Variants in DRICH1 observed in about 807,000 individuals in gnomAD.
DRICH1 encodes the protein aspartate rich 1, also known as aspartate-rich protein 1.
In DRICH1, 38 loss-of-function variants were observed where a neutral mutation model predicts 39.5. That is an observed-to-expected ratio of 0.96 (90% CI 0.74 to 1.26). DRICH1 has a LOEUF of 1.26. Ranked by LOEUF, DRICH1 falls within the 50% of genes most tolerant of loss-of-function variation. The pLI, the probability that DRICH1 is intolerant of heterozygous loss-of-function variation, is 0.00. For missense variants in DRICH1, 279 were observed against 270.4 expected (o/e 1.03, Z -0.22); for synonymous variants, 84 against 99.5 (o/e 0.84, Z 0.93).
intron 11 of DRICH1, among the ~76,000 whole-genome samples, chr22:23,612,771 G>T (rs1031660516): frequency 6.6e-6 from 1 of 152,094 alleles, no homozygotes; most frequent in African/African-American, 2.4e-5. Flanking sequence ...CATCCACTCC[G>T]GGAGATCCCT....
In DRICH1 at chr22:23,619,184, A is replaced by AG. The variant is rs1377571584; in HGVS notation, c.436+179_436+180insC. On this transcript the variant is annotated intron_variant, in intron 6 of 11. Transcript: ENST00000317749. ...GAGACTCCGTCTCAAAAAAAAAAAA[A>AG]AAAAAGAAAAAGAAATCACAAATTT... Among the ~76,000 whole-genome samples, 8 of 151,984 alleles carry AG rather than the reference A, an allele frequency of 5.3e-5. No homozygotes were observed. The East Asian group carries it at 1.4e-3, about 26-fold the overall frequency.
At chr22:23,614,589 T>C (rs1268147063) in intron 8 of DRICH1, among the ~76,000 whole-genome samples, 1 of 152,238 alleles carries the variant, frequency 6.6e-6, no homozygotes, top group East Asian at 1.9e-4. Context: ...GATCTAATTA[T>C]GCTGATACTA....
At chr22:23,622,010 T>A (rs1927768277) in intron 4 of DRICH1, 81 bp downstream of exon 4, 2 of 1,313,864 alleles carry the variant, frequency 1.5e-6, no homozygotes, top group Admixed American at 3.4e-5. Context: ...CTGAGTCCAT[T>A]CTTTGGGATT....
chr22:23,614,065 AAATT>A (rs1455288149), intron 9 of DRICH1, 66 bp downstream of exon 9: 7 of 1,071,200 alleles, frequency 6.5e-6, no homozygotes, highest in Non-Finnish European at 1.0e-5. Context: ...TTTCATATCA[AAATT>A]AATTGAGAAA....
At chr22:23,587,542 C>T in the DRICH1 span, among the ~76,000 whole-genome samples, 1 of 152,196 alleles carries the variant, frequency 6.6e-6, no homozygotes, top group South Asian at 2.1e-4. Flanking sequence ...CCCTGGGGCA[C>T]AGAGAAGGGA....
At chr22:23,611,392 A>ATTTT (rs11339572) in intron 11 of DRICH1, among the ~76,000 whole-genome samples, 6 of 138,044 alleles carry the variant, frequency 4.3e-5, no homozygotes, top group Admixed American at 1.5e-4. Context: ...ATTTTCATTC[A>ATTTT]TTTTTTTTTT....
At chr22:23,595,667 G>C in the DRICH1 span, among the ~76,000 whole-genome samples, 20 of 152,316 alleles carry the variant, frequency 1.3e-4, no homozygotes, top group South Asian at 4.1e-3. Context: ...AAAGTTTTGG[G>C]GGTCAGACCA....
At chr22:23,585,774 C>T in the DRICH1 span, among the ~76,000 whole-genome samples, 23 of 152,218 alleles carry the variant, frequency 1.5e-4, no homozygotes, top group African/African-American at 5.5e-4. Flanking sequence ...CTCGCTTTGG[C>T]CTCCTAAAGT....
At chr22:23,604,182 G>C (rs944731489), downstream of DRICH1, among the ~76,000 whole-genome samples, 3 of 152,110 alleles carry the variant, frequency 2.0e-5, no homozygotes, top group Admixed American at 6.5e-5. Flanking sequence ...CCCCAGATGA[G>C]TCTGTCCTCC....
chr22:23,631,907 T>C lies in DRICH1; in HGVS notation c.117A>G (p.Ser39=), dbSNP rs187208061. Residue 39 remains serine (S), a synonymous_variant, in exon 1 of 12, where the codon TCA becomes TCG. Coordinates refer to ENST00000317749, the MANE Select transcript of DRICH1 (RefSeq NM_016449.4). ...DIYETVAAAT[S]ESTTVEPGKL... ...TGCCAGGCTCTACAGTAGTGGATTC[T>C]GATGTTGCAGCAGCCACAGTCTCAT... The C allele has an allele frequency of 2.8e-4, 453 of 1,613,592 alleles. 2 individuals are homozygous for C. In the African/African-American group the frequency reaches 4.9e-3, roughly 17 times the overall value.
At chr22:23,589,142 A>G in the DRICH1 span, among the ~76,000 whole-genome samples, 19 of 151,576 alleles carry the variant, frequency 1.3e-4, no homozygotes, top group Non-Finnish European at 2.1e-4. Flanking sequence ...TTGATATTCT[A>G]TAACTTAGAT....
At chr22:23,598,632 C>T in the DRICH1 span, among the ~76,000 whole-genome samples, 2 of 152,218 alleles carry the variant, frequency 1.3e-5, no homozygotes, top group African/African-American at 4.8e-5. Flanking sequence ...CTCCTCCTAG[C>T]CGTTCAGGGG....
downstream of DRICH1, among the ~76,000 whole-genome samples, chr22:23,605,006 C>A (rs979954882): frequency 6.6e-6 from 1 of 152,322 alleles, no homozygotes; most frequent in South Asian, 2.1e-4. Context: ...ATGAACTCTG[C>A]CAGCTCTGCG....
At chr22:23,592,036 C>T in the DRICH1 span, among the ~76,000 whole-genome samples, 1 of 152,144 alleles carries the variant, frequency 6.6e-6, no homozygotes, top group Admixed American at 6.5e-5. Context: ...TGTGGCTACG[C>T]GAGGGGTGTT....
the DRICH1 span, among the ~76,000 whole-genome samples, chr22:23,601,934 GC>G: frequency 1.3e-5 from 2 of 152,100 alleles, no homozygotes; most frequent in African/African-American, 4.8e-5. Context: ...GAGAGCAGGG[GC>G]TCACCCCTGT....
chr22:23,585,999 C>T, the DRICH1 span, among the ~76,000 whole-genome samples: 1 of 152,128 alleles, frequency 6.6e-6, no homozygotes, highest in African/African-American at 2.4e-5. Context: ...ACTCTGCAAC[C>T]CTTGAATGCA....
Position 23,614,222 on chromosome 22 carries a change from G to A in DRICH1, c.542-8C>T, listed in dbSNP as rs1569088626. On this transcript the variant is annotated splice_region_variant and splice_polypyrimidine_tract_variant and intron_variant, in intron 8 of 11. Transcript: ENST00000317749. ...GGCTATCTTCAGAACAAGCTGGAAG[G>A]ACACAGAGGAAAGATCAGTGCACCG... is the stretch of plus-strand genomic sequence containing the variant. The A allele has an allele frequency of 6.2e-7, 1 of 1,608,184 alleles. No homozygotes were observed. Among genetic ancestry groups the A allele is most frequent in the Non-Finnish European group, 8.5e-7 (1 of 1,174,584 alleles).
chr22:23,619,988 A>C (rs1233777633), intron 5 of DRICH1, among the ~76,000 whole-genome samples: 3 of 152,152 alleles, frequency 2.0e-5, no homozygotes, highest in African/African-American at 4.8e-5. Flanking sequence ...TCCCACACCA[A>C]AGACTCTGAG....
downstream of DRICH1, among the ~76,000 whole-genome samples, chr22:23,606,061 A>AT (rs964462828): frequency 5.6e-4 from 82 of 146,808 alleles, 3 homozygotes; most frequent in Middle Eastern, 0.047. Flanking sequence ...AAAAAAAAAA[A>AT]TTTTTTTTTT....
Sources: gnomAD v4.1 joint callset for allele counts (sites outside exome capture counted in the v4.1 genomes callset) on GRCh38, gnomAD v4.1.1 for gene constraint, MANE v1.5 for transcripts, NCBI Gene and HGNC (gene_info 2026-07-23, HGNC 2026-07-21) for gene names.